Variants in ZMAT4 observed in about 807,000 individuals in gnomAD.
ZMAT4 encodes the protein zinc finger matrin-type 4, also known as zinc finger matrin-type protein 4.
ZMAT4 carries 17 observed loss-of-function variants against 28.7 expected under a neutral mutation model. That is an observed-to-expected ratio of 0.59 (90% CI 0.41 to 0.89). ZMAT4 has a LOEUF of 0.89. ZMAT4 is among the 40% of genes least tolerant of loss of function. ZMAT4 has a pLI of 0.00. For synonymous variants in ZMAT4, 117 were observed against 109.2 expected (o/e 1.07, Z -0.44); for missense variants, 240 against 283.8 (o/e 0.85, Z 1.11).
chr8:40,594,411 A>G (rs1481771748), intron 5 of ZMAT4, among the ~76,000 whole-genome samples: 1 of 152,220 alleles, frequency 6.6e-6, no homozygotes, highest in African/African-American at 2.4e-5. Flanking sequence ...TTGAGGCCTG[A>G]AGAGACAGAA....
intron 6 of ZMAT4, among the ~76,000 whole-genome samples, chr8:40,571,070 C>G (rs1804082209): frequency 6.6e-6 from 1 of 151,998 alleles, no homozygotes; most frequent in Non-Finnish European, 1.5e-5. Context: ...ATGACTCATG[C>G]AAATTTCAAG....
At chr8:40,601,660 GAA>G (rs1163361145) in intron 5 of ZMAT4, among the ~76,000 whole-genome samples, 1 of 29,394 alleles carries the variant, frequency 3.4e-5, no homozygotes, top group Non-Finnish European at 7.7e-5. Flanking sequence ...AAGAAAGAAA[GAA>G]AGAAAGAAAG....
intron 2 of ZMAT4, among the ~76,000 whole-genome samples, chr8:40,768,496 C>T (rs111757146): frequency 0.011 from 1,647 of 152,206 alleles, 22 homozygotes; most frequent in African/African-American, 0.038. Flanking sequence ...AGAATACAGT[C>T]AGAACTTCAA....
chr8:40,795,700 G>A (rs763604749), intron 2 of ZMAT4, among the ~76,000 whole-genome samples: 31 of 152,128 alleles, frequency 2.0e-4, no homozygotes, highest in Non-Finnish European at 2.1e-4. Context: ...TATACTATCC[G>A]TTGCATTAAT....
chr8:40,545,095 C>CATCT (rs1803158308), intron 6 of ZMAT4, among the ~76,000 whole-genome samples: 1 of 152,068 alleles, frequency 6.6e-6, no homozygotes, highest in Admixed American at 6.6e-5. Context: ...ATGCCCCTGG[C>CATCT]CTGGAGTTCA....
At chr8:40,877,802 TCACACCAG>T (rs1818091581) in intron 1 of ZMAT4, among the ~76,000 whole-genome samples, 2 of 152,112 alleles carry the variant, frequency 1.3e-5, no homozygotes, top group South Asian at 4.1e-4. Flanking sequence ...AAAATCAGCA[TCACACCAG>T]CATTATAGCT....
intron 2 of ZMAT4, among the ~76,000 whole-genome samples, chr8:40,824,603 A>G (rs368192519): frequency 1.3e-5 from 2 of 150,424 alleles, no homozygotes; most frequent in East Asian, 3.9e-4. Context: ...GTGAGACGCT[A>G]TCTCAGAAAG....
chr8:40,532,587 A>C (rs781638973), intron 6 of ZMAT4, among the ~76,000 whole-genome samples: 1 of 152,214 alleles, frequency 6.6e-6, no homozygotes, highest in Non-Finnish European at 1.5e-5. Context: ...GTATAACTAC[A>C]TGCAGAACCC....
intron 5 of ZMAT4, among the ~76,000 whole-genome samples, chr8:40,631,456 C>A (rs1046469781): frequency 1.3e-5 from 2 of 152,090 alleles, no homozygotes; most frequent in African/African-American, 4.8e-5. Context: ...CCGCACCAGG[C>A]CAGAATTATC....
At chr8:40,878,777 G>A (rs1044440376) in intron 1 of ZMAT4, among the ~76,000 whole-genome samples, 5 of 152,212 alleles carry the variant, frequency 3.3e-5, no homozygotes, top group Non-Finnish European at 7.3e-5. Flanking sequence ...TGGCCTCGGA[G>A]GCCTGTTTCC....
intron 1 of ZMAT4, among the ~76,000 whole-genome samples, chr8:40,826,670 G>C (rs1816059283): frequency 6.6e-6 from 1 of 152,080 alleles, no homozygotes; most frequent in South Asian, 2.1e-4. Context: ...TATTCAAGCT[G>C]ACTCTTCTCC....
intron 6 of ZMAT4, among the ~76,000 whole-genome samples, chr8:40,569,235 A>G (rs1804017825): frequency 6.6e-6 from 1 of 152,164 alleles, no homozygotes; most frequent in Non-Finnish European, 1.5e-5. Context: ...TCCATTCCCA[A>G]CTTACCTTCT....
At chr8:40,631,376 T>A (rs1241272511) in intron 5 of ZMAT4, among the ~76,000 whole-genome samples, 2 of 152,182 alleles carry the variant, frequency 1.3e-5, no homozygotes, top group Non-Finnish European at 2.9e-5. Flanking sequence ...CAGGCTGGTC[T>A]CAAACTCCTG....
At chr8:40,558,898 G>A (rs1803636222) in intron 6 of ZMAT4, among the ~76,000 whole-genome samples, 1 of 151,958 alleles carries the variant, frequency 6.6e-6, no homozygotes, top group Non-Finnish European at 1.5e-5. Context: ...AGAACAGAGG[G>A]GCCATAAGAC....
At chr8:40,735,783 C>A (rs183632590) in intron 3 of ZMAT4, among the ~76,000 whole-genome samples, 1 of 152,064 alleles carries the variant, frequency 6.6e-6, no homozygotes, top group South Asian at 2.1e-4. Flanking sequence ...GACATATGGA[C>A]GTTTAACCGC....
chr8:40,795,390 A>T (rs1281263505), intron 2 of ZMAT4, among the ~76,000 whole-genome samples: 1 of 152,208 alleles, frequency 6.6e-6, no homozygotes, highest in African/African-American at 2.4e-5. Flanking sequence ...GCTGTACTGG[A>T]TCCTTATGAA....
At chr8:40,877,770 C>G (rs1244972090) in intron 1 of ZMAT4, among the ~76,000 whole-genome samples, 1 of 152,058 alleles carries the variant, frequency 6.6e-6, no homozygotes, top group Non-Finnish European at 1.5e-5. Flanking sequence ...TCTCCCAAGA[C>G]TTTCAGTGGG....
chr8:40,700,080 C>T (rs1208678596), intron 3 of ZMAT4, among the ~76,000 whole-genome samples: 1 of 152,096 alleles, frequency 6.6e-6, no homozygotes, highest in African/African-American at 2.4e-5. Context: ...TTTTTAAGGA[C>T]CTACTAATTG....
rs199619236 is a variant in ZMAT4 at position 40,643,591 on chromosome 8, AAG to A, written c.577+31111_577+31112del. Among the ~76,000 whole-genome samples the A allele has an allele frequency of 8.6e-3, 1,314 of 152,238 alleles. 8 individuals are homozygous for A. The highest frequency in any genetic ancestry group is 0.024 in the Middle Eastern group (7 of 294). On this transcript the variant is annotated intron_variant, in intron 5 of 6. Coordinates refer to ENST00000297737, the MANE Select transcript of ZMAT4 (RefSeq NM_024645.3). ...GCCATCACAAACTCCGTCCAGAGGG[AAG>A]AGACAGTAAAATGATAATTACTGCC...
Sources: gnomAD v4.1 joint callset for allele counts (sites outside exome capture counted in the v4.1 genomes callset) on GRCh38, gnomAD v4.1.1 for gene constraint, MANE v1.5 for transcripts, NCBI Gene and HGNC (gene_info 2026-07-23, HGNC 2026-07-21) for gene names.